QRICH2: variants seen among roughly 807,000 people sequenced by gnomAD.
QRICH2 encodes glutamine-rich protein 2.
QRICH2 carries 119 observed loss-of-function variants against 168.3 expected under a neutral mutation model. The ratio of observed to expected loss-of-function variants is 0.71; its 90% confidence interval spans 0.61 to 0.82. QRICH2 has a LOEUF of 0.82. QRICH2 is among the 40% of genes least tolerant of loss of function. The pLI is 0.00. For synonymous variants in QRICH2, 894 were observed against 951.2 expected, an observed-to-expected ratio of 0.94 and a Z score of 1.11; for missense variants, 2,241 against 2,491.6, an observed-to-expected ratio of 0.90 and a Z score of 2.14.
At position 76,292,859 on chromosome 17, in the gene QRICH2, GGCCAGACCAAACCACGC is replaced by G; in HGVS notation, c.1851_1867del (p.Gln617HisfsTer13). ...GGCCAAACCAGACTGATCCATTCCA[GGCCAGACCAAACCACGC>G]TGATCTGCACCAGGTTGGGCCAAAC... On this transcript the variant is annotated frameshift_variant, in exon 4 of 19. Transcript: ENST00000680821. LOFTEE classifies it high-confidence loss of function. 1 of 1,603,320 alleles carries G rather than the reference GGCCAGACCAAACCACGC, an allele frequency of 6.2e-7. No homozygotes were observed.
rs1443637557 is a variant in QRICH2, at chr17:76,307,643, C to G, written c.356G>C (p.Arg119Pro). 2.0e-6 allele frequency: 3 copies of G among 1,488,936 alleles called. No individual in the cohort carries two copies. In the African/African-American group the frequency reaches 4.2e-5, roughly 21 times the overall value. The allele number at this position is 1,488,936 out of a possible 1,614,324, so 92.2% of individuals were successfully genotyped here. A position where few individuals can be genotyped will look rare whatever the true frequency, so the allele number is the denominator to read the frequency against. ...GATGCCCTGCACCTGGCCGTCCACACGCTTGAGCTGCTTGCTCAGGTCCTC... is the reference window on the plus strand; with the variant it reads ...GATGCCCTGCACCTGGCCGTCCACAGGCTTGAGCTGCTTGCTCAGGTCCTC... Reference protein sequence around the residue: ...QVEDLSKQLKRVDGQVQGIAT... With the variant: ...QVEDLSKQLKPVDGQVQGIAT... Residue 119 changes from arginine (R) to proline (P), a missense_variant, in exon 1 of 19, where the codon CGT (arginine) becomes CCT (proline). Arg to Pro is a moderately radical substitution (Grantham distance 103). Around this residue, in one of 3 missense-constraint regions of QRICH2, gnomAD observed 2,047 missense variants for 2,303.8 expected, o/e 0.89. Transcript: ENST00000680821. This position sits in a 1 kb window ranked among gnomAD's most constrained non-coding sequence, Gnocchi z 5.3.
At position 76,291,413 on chromosome 17, in the gene QRICH2, C is replaced by T. The variant is rs1233211551; in HGVS notation, c.3314G>A (p.Ser1105Asn). 2 of 1,614,036 alleles carry T rather than the reference C, an allele frequency of 1.2e-6. No homozygotes were observed. Among genetic ancestry groups the T allele is most frequent in the Admixed American group, 3.3e-5 (2 of 60,008 alleles). ...ATAACCAGGATACATTGAATCATGA[C>T]TGTCAAAGAGAGAGAAAGCATGGCC... Reference protein sequence around the residue: ...QHGHAFSLFDSHDSMYPGYRG... With the variant: ...QHGHAFSLFDNHDSMYPGYRG... The change falls in exon 4 of 19, where the codon AGT (serine) becomes AAT (asparagine). Residue 1105 changes from serine to asparagine, a missense_variant. By Grantham distance (46) the Ser-to-Asn change is conservative (BLOSUM62 1). Coordinates refer to ENST00000680821, the MANE Select transcript of QRICH2 (RefSeq NM_001388453.1).
chr17:76,284,097 G>A lies in QRICH2; in HGVS notation c.4012-1982C>T, dbSNP rs964946313. ...ATAGGAGAATCACTTGAACCCGGGA[G>A]GTGGAGAATGCAGTGAGCTGAGATG... On this transcript the variant is annotated intron_variant, in intron 7 of 18. Transcript: ENST00000680821. Among the ~76,000 whole-genome samples, 5 of 134,838 alleles carry A rather than the reference G, an allele frequency of 3.7e-5. 1 individual carries two copies. In the East Asian group the frequency reaches 1.0e-3, roughly 27 times the overall value. 88.5% of individuals were successfully genotyped at this position (134,838 alleles called of 152,430 possible).
Position 76,293,823 on chromosome 17 carries a change from C to G in QRICH2, c.904G>C (p.Glu302Gln), listed in dbSNP as rs754640103. 1 of 1,614,026 alleles carries G rather than the reference C, an allele frequency of 6.2e-7. No individual in the cohort carries two copies. The highest frequency in any genetic ancestry group is 8.5e-7 in the Non-Finnish European group (1 of 1,179,984). Residue 302 changes from glutamate to glutamine, a missense_variant, in exon 4 of 19, where the codon GAA becomes CAA. Physicochemically the swap from Glu to Gln is conservative, Grantham distance 29. Coordinates refer to ENST00000680821, the MANE Select transcript of QRICH2 (RefSeq NM_001388453.1). ...AHPSDGVSSR[E>Q]QSKVPSGTGR... ...GTACCAGAGGGGACCTTGCTTTGTTCCCTACTGGAAACCCCATCAGAGGGG... is the reference window on the plus strand; with the variant it reads ...GTACCAGAGGGGACCTTGCTTTGTTGCCTACTGGAAACCCCATCAGAGGGG...
intron 7 of QRICH2, among the ~76,000 whole-genome samples, chr17:76,286,614 A>G (rs553018672): frequency 1.1e-4 from 16 of 152,292 alleles, no homozygotes; most frequent in African/African-American, 3.4e-4. Flanking sequence ...ACCTTATTCA[A>G]TTTAAAAGGG....
At chr17:76,275,372 A>C (rs2070655372) in intron 18 of QRICH2, among the ~76,000 whole-genome samples, 1 of 152,120 alleles carries the variant, frequency 6.6e-6, no homozygotes, top group Admixed American at 6.5e-5. Context: ...CTTCAGGCCC[A>C]ACTTAGCTCC....
Position 76,281,939 on chromosome 17 carries a change from G to A in QRICH2, c.4188C>T (p.Arg1396=), listed in dbSNP as rs766683225. ...TGACCATGTCTTGGAGTTGCTCATA[G>A]CGCCGCACCAGCGTGCTGACCTGAT... is the stretch of plus-strand genomic sequence containing the variant. The part of the protein sequence containing the change: ...VSHQVSTLVR[R]YEQLQDMVNS... Residue 1396 remains arginine (R), a synonymous_variant, in exon 8 of 19, where the codon CGC becomes CGT. Transcript: ENST00000680821. This position sits in a 1 kb window ranked among gnomAD's most constrained non-coding sequence, Gnocchi z 4.4. 1.9e-6 allele frequency: 3 copies of A among 1,613,798 alleles called. No homozygotes were observed. Among genetic ancestry groups the A allele is most frequent in the South Asian group, 2.2e-5 (2 of 91,090 alleles).
At chr17:76,309,345 G>C (rs867653237), upstream of QRICH2, 1 of 141,786 alleles carries the variant, frequency 7.1e-6, no homozygotes, top group Non-Finnish European at 1.5e-5. Flanking sequence ...GACAGTGCAA[G>C]ACTCTGTCTC....
At chr17:76,286,515 C>A (rs567964212) in intron 7 of QRICH2, among the ~76,000 whole-genome samples, 1 of 152,284 alleles carries the variant, frequency 6.6e-6, no homozygotes, top group Admixed American at 6.5e-5. Flanking sequence ...CAGGGAGAGA[C>A]TGCTAAGAGT....
In QRICH2 at chr17:76,308,075, G is replaced by T; in HGVS notation, c.-77C>A. On this transcript the variant is annotated 5_prime_UTR_variant, in exon 1 of 19. Coordinates refer to ENST00000680821, the MANE Select transcript of QRICH2 (RefSeq NM_001388453.1). ...CGCTCACTGCACGCCGCGCCTTGGG[G>T]CCTTTCGGGGGCCCTGCGAGGTCCT... 1 of 1,228,248 alleles carries T rather than the reference G, an allele frequency of 8.1e-7. No homozygotes were observed. The highest frequency in any genetic ancestry group is 1.0e-6 in the Non-Finnish European group (1 of 985,922). 76.1% of individuals were successfully genotyped at this position (1,228,248 alleles called of 1,614,324 possible).
At position 76,274,276 on chromosome 17, in the gene QRICH2, G is replaced by T; in HGVS notation, c.5483-16C>A. The stretch of plus-strand genomic sequence containing the variant: ...CGAGAAGAAACTGTAAGACAGGGGT[G>T]CTGAGGTTGCTCAACACATTCCCCA... On this transcript the variant is annotated splice_polypyrimidine_tract_variant and intron_variant, in intron 18 of 18. Coordinates refer to ENST00000680821, the MANE Select transcript of QRICH2 (RefSeq NM_001388453.1). 3 of 1,573,436 alleles carry T rather than the reference G, an allele frequency of 1.9e-6. No individual in the cohort carries two copies. The highest frequency in any genetic ancestry group is 2.6e-6 in the Non-Finnish European group (3 of 1,166,754).
rs2070760795 is a variant in QRICH2, at chr17:76,280,167, AAG to A, written c.4627-15_4627-14del. ...CCAGGCGGTCCAGCTGTGGCGGGGA[AAG>A]AGGGGCCAGGGGACCTCTAAGGAAG... On this transcript the variant is annotated splice_polypyrimidine_tract_variant and intron_variant, in intron 11 of 18. Coordinates refer to ENST00000680821, the MANE Select transcript of QRICH2 (RefSeq NM_001388453.1). The surrounding 1 kb of genome is among the most constrained non-coding windows in gnomAD (Gnocchi z 7.4). 1 of 1,612,590 alleles carries A rather than the reference AAG, an allele frequency of 6.2e-7. No homozygotes were observed. The highest frequency in any genetic ancestry group is 1.3e-5 in the African/African-American group (1 of 75,024).
chr17:76,277,136 C>A (rs752966101), intron 16 of QRICH2, 27 bp downstream of exon 16: 9 of 1,525,622 alleles, frequency 5.9e-6, no homozygotes, highest in African/African-American at 1.4e-5. Context: ...GGCCTCCCTC[C>A]CTGGTGGCTC....
At chr17:76,287,722 G>T in intron 6 of QRICH2, 78 bp downstream of exon 6, 1 of 1,010,342 alleles carries the variant, frequency 9.9e-7, no homozygotes, top group Non-Finnish European at 1.6e-6. Context: ...GCATAAGGGA[G>T]CCACTGGCCG....
intron 3 of QRICH2, among the ~76,000 whole-genome samples, chr17:76,296,706 A>G (rs1300260972): frequency 6.9e-6 from 1 of 145,210 alleles, no homozygotes; most frequent in African/African-American, 2.6e-5. Context: ...TGAACCCAGG[A>G]GGCGGAGGTT....
chr17:76,306,890 A>C (rs1184011154), intron 1 of QRICH2, among the ~76,000 whole-genome samples: 1 of 151,972 alleles, frequency 6.6e-6, no homozygotes, highest in African/African-American at 2.4e-5. Context: ...CCTTCTCAAA[A>C]AAAAAAAAAG....
chr17:76,300,052 G>A (rs911389233), intron 3 of QRICH2, among the ~76,000 whole-genome samples: 5 of 151,904 alleles, frequency 3.3e-5, no homozygotes, highest in Non-Finnish European at 7.4e-5. Context: ...GGATGGTCTC[G>A]ATCTCTTGAC....
intron 6 of QRICH2, 35 bp from the exon 7 acceptor site, chr17:76,287,341 A>G: frequency 3.3e-6 from 5 of 1,503,612 alleles, no homozygotes; most frequent in Non-Finnish European, 4.6e-6. Flanking sequence ...CAGACTCCAC[A>G]CTCAGGCCAG....
At chr17:76,287,146 G>C (rs1348239958) in intron 7 of QRICH2, 46 bp downstream of exon 7, 1 of 1,392,896 alleles carries the variant, frequency 7.2e-7, no homozygotes, top group East Asian at 2.3e-5. Context: ...AGCCAGCTCT[G>C]AGAAGGGCCC....
Sources: allele counts gnomAD v4.1 joint callset (sites outside exome capture counted in the v4.1 genomes callset), GRCh38; gene constraint gnomAD v4.1.1; regional missense constraint gnomAD v4.1.1; non-coding constraint Gnocchi (gnomAD v3.1); transcripts MANE v1.5; gene names NCBI Gene and HGNC (gene_info 2026-07-23, HGNC 2026-07-21).